PLD5: variants seen among roughly 807,000 people sequenced by gnomAD.
The protein encoded by PLD5 is phospholipase D family member 5.
PLD5 carries 36 observed loss-of-function variants against 61.1 expected under a neutral mutation model. That is an observed-to-expected ratio of 0.59 (90% CI 0.45 to 0.78). The LOEUF (loss-of-function observed/expected upper bound fraction) is 0.78, where lower values mean the gene tolerates loss of function less well. Among genes scored for constraint, PLD5 ranks in the 30% least tolerant of loss-of-function variants. The pLI, the probability that PLD5 is intolerant of heterozygous loss-of-function variation, is 0.00. For synonymous variants in PLD5, 243 were observed against 242.8 expected (o/e 1.00, Z -0.01); for missense variants, 515 against 644.4 (o/e 0.80, Z 2.17).
chr1:242,349,483 G>A (rs1046366731), intron 1 of PLD5, among the ~76,000 whole-genome samples: 2 of 152,104 alleles, frequency 1.3e-5, no homozygotes, highest in Non-Finnish European at 2.9e-5. Context: ...GGGTTGTTTC[G>A]AATTTTATTT....
At chr1:242,267,241 G>A (rs1362026005) in intron 3 of PLD5, among the ~76,000 whole-genome samples, 3 of 152,032 alleles carry the variant, frequency 2.0e-5, no homozygotes, top group African/African-American at 4.8e-5. Context: ...AGACCCTGAA[G>A]CTTTAGGGTG....
chr1:242,186,934 C>T (rs566097881), intron 5 of PLD5, among the ~76,000 whole-genome samples: 17 of 152,274 alleles, frequency 1.1e-4, no homozygotes, highest in African/African-American at 3.6e-4. Flanking sequence ...TAACATTCAT[C>T]GTGAGATAGG....
chr1:242,099,529 A>G (rs1660523070), intron 9 of PLD5, among the ~76,000 whole-genome samples: 1 of 152,226 alleles, frequency 6.6e-6, no homozygotes, highest in Admixed American at 6.5e-5. Flanking sequence ...GACTACCCAC[A>G]CGGCCAGTGG....
intron 4 of PLD5, among the ~76,000 whole-genome samples, chr1:242,257,500 T>C (rs542052090): frequency 1.0e-3 from 154 of 152,312 alleles, no homozygotes; most frequent in African/African-American, 3.6e-3. Flanking sequence ...ATGAATTTCT[T>C]TCTGTGGTTG....
rs556847002 is a variant in PLD5 at position 242,301,739 on chromosome 1, C to T, written c.327-13209G>A. On this transcript the variant is annotated intron_variant, in intron 2 of 9. Coordinates refer to ENST00000536534, the MANE Select transcript of PLD5 (RefSeq NM_001372062.1). ...AACACTGTGTTTTTACAGACCCTTC[C>T]GTAGGTTTATTTTTATTTTTTAAAA... is the stretch of plus-strand genomic sequence containing the variant. Among the ~76,000 whole-genome samples, 6 of 146,784 alleles carry T rather than the reference C, an allele frequency of 4.1e-5. No individual in the cohort carries two copies. The South Asian group carries it at 8.7e-4, about 21-fold the overall frequency.
intron 1 of PLD5, among the ~76,000 whole-genome samples, chr1:242,423,166 A>T (rs766420332): frequency 1.3e-5 from 2 of 152,158 alleles, no homozygotes; most frequent in Non-Finnish European, 2.9e-5. Flanking sequence ...GCATATTTCA[A>T]AACAAGTAGT....
Position 242,086,107 on chromosome 1 carries a change from C to A in PLD5, c.*3747G>T, listed in dbSNP as rs1327885523. The A allele has an allele frequency of 6.6e-6, 1 of 151,840 alleles. No individual in the cohort carries two copies. Among genetic ancestry groups the A allele is most frequent in the Admixed American group, 6.6e-5 (1 of 15,228 alleles). 9.4% of individuals were successfully genotyped at this position (151,840 alleles called of 1,614,324 possible). On this transcript the variant is annotated 3_prime_UTR_variant, in exon 10 of 10. Coordinates refer to ENST00000536534, the MANE Select transcript of PLD5 (RefSeq NM_001372062.1). ...GGCACTTAAACCATTAACTGCATTT[C>A]AAAAAAAATCCCCCACATTTTTCAA... is the stretch of plus-strand genomic sequence containing the variant.
intron 5 of PLD5, chr1:242,188,720 C>CTA (rs1460454037): frequency 2.6e-5 from 4 of 152,200 alleles, no homozygotes. Context: ...GGGAGTGCAG[C>CTA]TACTCATACA....
At chr1:242,488,249 C>G (rs1668028678) in intron 1 of PLD5, among the ~76,000 whole-genome samples, 1 of 152,186 alleles carries the variant, frequency 6.6e-6, no homozygotes, top group Admixed American at 6.5e-5. Flanking sequence ...AAACTTATAT[C>G]CACACAAAAA....
chr1:242,458,158 C>T (rs544549784), intron 1 of PLD5, among the ~76,000 whole-genome samples: 1 of 152,312 alleles, frequency 6.6e-6, no homozygotes, highest in South Asian at 2.1e-4. Context: ...AAACAGGAAT[C>T]ACTGATTATA....
intron 1 of PLD5, among the ~76,000 whole-genome samples, chr1:242,358,027 C>T (rs2995364): frequency 1.3e-5 from 2 of 152,060 alleles, no homozygotes; most frequent in African/African-American, 4.8e-5. Flanking sequence ...CTGTTGAAGT[C>T]TTTATTGCAT....
intron 2 of PLD5, among the ~76,000 whole-genome samples, chr1:242,337,736 A>G (rs1488153254): frequency 6.6e-6 from 1 of 152,230 alleles, no homozygotes; most frequent in African/African-American, 2.4e-5. Flanking sequence ...GCAGCATGGA[A>G]GAAAACTTCT....
rs1055986537 is a variant in PLD5 at position 242,415,373 on chromosome 1, G to A, written c.190-67131C>T. On this transcript the variant is annotated intron_variant, in intron 1 of 9. Transcript: ENST00000536534. ...AGCAGAGGAGAGTAGACTCAATTAC[G>A]GAACATTCATAGAGAGGATGTACCT... Among the ~76,000 whole-genome samples the A allele has an allele frequency of 3.9e-5, 6 of 152,038 alleles. No homozygotes were observed. In the South Asian group the frequency reaches 6.2e-4, roughly 16 times the overall value.
At chr1:242,417,895 C>A (rs1049856300) in intron 1 of PLD5, among the ~76,000 whole-genome samples, 2 of 152,136 alleles carry the variant, frequency 1.3e-5, no homozygotes, top group African/African-American at 2.4e-5. Flanking sequence ...CCATTGCAAG[C>A]TTTACCCCAA....
At chr1:242,136,675 A>G (rs1361107752) in intron 5 of PLD5, among the ~76,000 whole-genome samples, 5 of 152,316 alleles carry the variant, frequency 3.3e-5, no homozygotes, top group Admixed American at 2.0e-4. Context: ...GACTCCTTTC[A>G]ATACACATCC....
At chr1:242,509,997 C>G (rs530555691) in intron 1 of PLD5, among the ~76,000 whole-genome samples, 2 of 152,200 alleles carry the variant, frequency 1.3e-5, no homozygotes, top group African/African-American at 4.8e-5. Context: ...ATTTTTGAAG[C>G]ATTTCAATGC....
chr1:242,430,432 C>G (rs1315963754), intron 1 of PLD5, among the ~76,000 whole-genome samples: 1 of 152,160 alleles, frequency 6.6e-6, no homozygotes, highest in Non-Finnish European at 1.5e-5. Flanking sequence ...GCCCCACCCT[C>G]ATGACATCAT....
At chr1:242,257,084 C>CTATCTATCTATCTATCT (rs60806940) in intron 4 of PLD5, among the ~76,000 whole-genome samples, 8 of 149,142 alleles carry the variant, frequency 5.4e-5, no homozygotes, top group African/African-American at 2.0e-4. Context: ...ATCTATCTAT[C>CTATCTATCTATCTATCT]ATTTATCTAT....
intron 6 of PLD5, among the ~76,000 whole-genome samples, chr1:242,117,655 A>G (rs1662050318): frequency 6.6e-6 from 1 of 152,308 alleles, no homozygotes; most frequent in African/African-American, 2.4e-5. Flanking sequence ...CTGGGATTAC[A>G]GGTATGAGCT....
Sources: allele counts gnomAD v4.1 joint callset (sites outside exome capture counted in the v4.1 genomes callset), GRCh38; gene constraint gnomAD v4.1.1; transcripts MANE v1.5; gene names NCBI Gene and HGNC (gene_info 2026-07-23, HGNC 2026-07-21).